Variants in FASN observed in about 807,000 individuals in gnomAD.
FASN encodes the protein fatty acid synthase.
Under a neutral mutation model 250.0 loss-of-function variants are expected in FASN, and 50 were observed. That is an observed-to-expected ratio of 0.20 (90% CI 0.16 to 0.25). The LOEUF (loss-of-function observed/expected upper bound fraction) is 0.25. Among genes scored for constraint, FASN ranks in the 10% least tolerant of loss-of-function variants. The probability of loss-of-function intolerance (pLI) is 1.00; values close to 1 mark genes in which losing one functional copy is unlikely to be tolerated. For synonymous variants in FASN, 1,909 were observed against 1,584.0 expected, an observed-to-expected ratio of 1.21 and a Z score of -4.87; for missense variants, 3,031 against 3,498.5, an observed-to-expected ratio of 0.87 and a Z score of 3.37.
intron 9 of FASN, 39 bp downstream of exon 9, chr17:82,091,183 C>T (rs758097224): frequency 6.2e-7 from 1 of 1,601,914 alleles, no homozygotes; most frequent in Non-Finnish European, 8.5e-7. Context: ...TGCCTTTCCC[C>T]AGGGAAGGGA....
At chr17:82,096,712 T>C in intron 1 of FASN, 1 of 521,748 alleles carries the variant, frequency 1.9e-6, no homozygotes, top group Non-Finnish European at 3.5e-6. Context: ...TTGGCTGGGG[T>C]ACCCCACTGG....
chr17:82,082,506 C>A, intron 34 of FASN, 21 bp downstream of exon 34: 2 of 1,609,328 alleles, frequency 1.2e-6, no homozygotes, highest in East Asian at 2.2e-5. Context: ...TTTGAGGGCC[C>A]CATTTGGGGC....
intron 12 of FASN, 69 bp downstream of exon 12, chr17:82,089,563 C>A: frequency 6.5e-7 from 1 of 1,544,796 alleles, no homozygotes; most frequent in South Asian, 1.2e-5. Context: ...ACCGTGGCCG[C>A]GTGTCCCTGC....
chr17:82,096,169 C>A, intron 2 of FASN, 150 bp downstream of exon 2: 2 of 1,294,724 alleles, frequency 1.5e-6, no homozygotes, highest in Non-Finnish European at 2.2e-6. Flanking sequence ...CTAGGCCTCG[C>A]CCATGGGTGA....
chr17:82,092,564 C>A lies in FASN; in HGVS notation c.920G>T (p.Gly307Val), dbSNP rs201610264. 9 of 1,607,082 alleles carry A rather than the reference C, an allele frequency of 5.6e-6. No homozygotes were observed. The highest frequency in any genetic ancestry group is 7.6e-6 in the Non-Finnish European group (9 of 1,179,426). The change falls in exon 8 of 43, where the codon GGC becomes GTC. Residue 307 changes from glycine to valine, a missense_variant. By Grantham distance (109) the Gly-to-Val change is moderately radical. Coordinates refer to ENST00000306749, the MANE Select transcript of FASN (RefSeq NM_004104.5). ...TKVGDPQELNGITRALCATRQ... is the reference protein window; with the variant it reads ...TKVGDPQELNVITRALCATRQ... ...GGTGGCGCACAGGGCTCGGGTGATG[C>A]CATTCAGCTCCTGGGGGTCGCCCAC...
chr17:82,091,252 C>T lies in FASN; in HGVS notation c.1462G>A (p.Gly488Ser). ...GGPEVQQVPA[G>S]ERPLWFICSG... ...CAGATGAACCAGAGCGGGCGCTCGC[C>T]AGCGGGCACCTGCTGCACCTCTGGG... Residue 488 changes from glycine (G) to serine (S), a missense_variant, in exon 9 of 43, where the codon GGC (glycine) becomes AGC (serine). By Grantham distance (56) the Gly-to-Ser change is moderately conservative. Transcript: ENST00000306749. The T allele has an allele frequency of 1.2e-6, 2 of 1,601,592 alleles. No homozygotes were observed. Among genetic ancestry groups the T allele is most frequent in the Non-Finnish European group, 1.7e-6 (2 of 1,174,482 alleles).
rs1485694575 is a variant in FASN, at chr17:82,093,095, G to A, written c.656-76C>T. On this transcript the variant is annotated intron_variant, in intron 5 of 42. Coordinates refer to ENST00000306749, the MANE Select transcript of FASN (RefSeq NM_004104.5). ...ACCCCACCAGGAGGAGCTCTGGGGT[G>A]TGGGGTGGGTGCTTGGGTGGGGGAT... The A allele has an allele frequency of 9.4e-6, 15 of 1,589,682 alleles. No homozygotes were observed. The East Asian group carries it at 3.2e-4, about 34-fold the overall frequency.
chr17:82,079,266 T>C lies in FASN; in HGVS notation c.7413A>G (p.Lys2471=). Residue 2471 remains lysine, a synonymous_variant, in exon 43 of 43, where the codon AAA becomes AAG. Coordinates refer to ENST00000306749, the MANE Select transcript of FASN (RefSeq NM_004104.5). The part of the protein sequence containing the change: ...DYNLSQVCDG[K]VSVHVIEGDH... ...CACCCTCGATGACGTGGACGGATAC[T>C]TTCCCGTCGCATACCTGCAGGGGAT... 1.2e-6 allele frequency: 2 copies of C among 1,613,056 alleles called. No individual in the cohort carries two copies. Among genetic ancestry groups the C allele is most frequent in the African/African-American group, 1.3e-5 (1 of 75,066 alleles).
intron 22 of FASN, 75 bp from the exon 23 acceptor site, chr17:82,085,946 T>C: frequency 6.9e-7 from 1 of 1,439,192 alleles, no homozygotes; most frequent in Non-Finnish European, 9.2e-7. Flanking sequence ...AAAATGTCCA[T>C]GAGGCCTCAG....
In FASN at chr17:82,091,429, G is replaced by A. The variant is rs1365895405; in HGVS notation, c.1285C>T (p.Arg429Cys). 3.7e-6 allele frequency: 6 copies of A among 1,608,154 alleles called. No individual in the cohort carries two copies. The highest frequency in any genetic ancestry group is 2.2e-5 in the South Asian group (2 of 90,472). The change falls in exon 9 of 43, where the codon CGC (arginine) becomes TGC (cysteine). Residue 429 changes from arginine to cysteine, a missense_variant. Physicochemically the swap from Arg to Cys is radical, Grantham distance 180. Coordinates refer to ENST00000306749, the MANE Select transcript of FASN (RefSeq NM_004104.5). ...TLPRLLRASGRTPEAVQKLLE... is the reference protein window; with the variant it reads ...TLPRLLRASGCTPEAVQKLLE... Reference sequence around the variant, plus strand: ...AGCTTCTGCACGGCCTCAGGGGTGCGTCCGCTGGCCCGCAGCAGACGGGGC... The same window carrying A: ...AGCTTCTGCACGGCCTCAGGGGTGCATCCGCTGGCCCGCAGCAGACGGGGC...
intron 8 of FASN, 101 bp downstream of exon 8, chr17:82,092,354 C>T (rs914330055): frequency 7.0e-6 from 9 of 1,292,954 alleles, no homozygotes; most frequent in Admixed American, 6.1e-5. Flanking sequence ...GGGAAGCCCC[C>T]GCCTCCACTT....
In FASN at chr17:82,084,615, G is replaced by C. The variant is rs1405880332; in HGVS notation, c.4666C>G (p.Pro1556Ala). The change falls in exon 27 of 43, where the codon CCC (proline) becomes GCC (alanine). Residue 1556 changes from proline (P) to alanine (A), a missense_variant. Physicochemically the swap from Pro to Ala is conservative, Grantham distance 27. Coordinates refer to ENST00000306749, the MANE Select transcript of FASN (RefSeq NM_004104.5). ...CAGAGCTGGGCGCCAGGGCAGGTGG[G>C]CTGGGCATGGCGCAGCGAGGAGCAG... ...WVCSSLRHAQ[P>A]TCPGAQLCTV... The C allele has an allele frequency of 2.5e-6, 4 of 1,607,260 alleles. No individual in the cohort carries two copies. The highest frequency in any genetic ancestry group is 3.4e-6 in the Non-Finnish European group (4 of 1,177,666).
At chr17:82,083,482 C>T in intron 31 of FASN, 35 bp downstream of exon 31, 1 of 1,612,760 alleles carries the variant, frequency 6.2e-7, no homozygotes, top group Non-Finnish European at 8.5e-7. Context: ...CACACCCATC[C>T]ATGCCCACCC....
rs2144778754 is a variant in FASN, at chr17:82,080,127, G to A, written c.7146+13C>T. ...CTCTGGGTCCTGCGGCCTCAGGGGTGTCCAGGACCCACCCTGTTGTGCTCC... is the reference window on the plus strand; with the variant it reads ...CTCTGGGTCCTGCGGCCTCAGGGGTATCCAGGACCCACCCTGTTGTGCTCC... On this transcript the variant is annotated intron_variant, in intron 41 of 42. Transcript: ENST00000306749. 2 of 1,611,464 alleles carry A rather than the reference G, an allele frequency of 1.2e-6. No homozygotes were observed. The highest frequency in any genetic ancestry group is 1.7e-6 in the Non-Finnish European group (2 of 1,178,596).
chr17:82,079,743 C>G (rs1219597331), intron 41 of FASN, 135 bp from the exon 42 acceptor site: 1 of 1,247,538 alleles, frequency 8.0e-7, no homozygotes, highest in Non-Finnish European at 1.1e-6. Context: ...GTGGGGCGAT[C>G]TCAGCTCACC....
At chr17:82,094,568 A>G (rs2034271787) in intron 3 of FASN, among the ~76,000 whole-genome samples, 1 of 151,970 alleles carries the variant, frequency 6.6e-6, no homozygotes, top group Non-Finnish European at 1.5e-5. Context: ...AGATGGATGG[A>G]TCACGAGGTC....
chr17:82,088,510 G>C lies in FASN; in HGVS notation c.2473C>G (p.Arg825Gly). The change falls in exon 16 of 43, where the codon CGA becomes GGA. Residue 825 changes from arginine (R) to glycine (G), a missense_variant. Arg to Gly is a moderately radical substitution (Grantham distance 125). Transcript: ENST00000306749. The stretch of plus-strand genomic sequence containing the variant: ...AGTGGGGAGATGAGGGGAGTTCCTC[G>C]GGGAGCTGGGAACTCCACAGGTGGG... ...LFPPVEFPAP[R>G]GTPLISPLIK... 2 of 1,608,448 alleles carry C rather than the reference G, an allele frequency of 1.2e-6. No individual in the cohort carries two copies. Among genetic ancestry groups the C allele is most frequent in the Non-Finnish European group, 1.7e-6 (2 of 1,176,780 alleles).
In FASN at chr17:82,095,477, G is replaced by A. The variant is rs2034288421; in HGVS notation, c.128-5C>T. On this transcript the variant is annotated splice_polypyrimidine_tract_variant and splice_region_variant and intron_variant, in intron 2 of 42. Transcript: ENST00000306749. ...GCCGGGGCAGGCCGTAGAGCCCTGT[G>A]GGACAGGCGGGTGTTTAAATCTCTG... The A allele has an allele frequency of 1.2e-6, 2 of 1,611,556 alleles. No individual in the cohort carries two copies. Among genetic ancestry groups the A allele is most frequent in the Non-Finnish European group, 1.7e-6 (2 of 1,179,968 alleles).
chr17:82,080,234 T>G lies in FASN; in HGVS notation c.7052A>C (p.Tyr2351Ser). ...PTYVLAYTQS[Y>S]RAKLTPGCEA... ...ACAGCCTGGGGTCAGCTTTGCCCGG[T>G]AGCTCTGAGAGGAAGGAGGGACTGC... The change falls in exon 41 of 43, where the codon TAC becomes TCC. Residue 2351 changes from tyrosine (Y) to serine (S), a missense_variant. Tyr to Ser is a moderately radical substitution (Grantham distance 144). Transcript: ENST00000306749. 6.2e-7 allele frequency: 1 copy of G among 1,613,094 alleles called. No homozygotes were observed. Among genetic ancestry groups the G allele is most frequent in the Non-Finnish European group, 8.5e-7 (1 of 1,180,018 alleles).
Sources: allele counts gnomAD v4.1 joint callset (sites outside exome capture counted in the v4.1 genomes callset), GRCh38; gene constraint gnomAD v4.1.1; transcripts MANE v1.5; gene names NCBI Gene and HGNC (gene_info 2026-07-23, HGNC 2026-07-21).